BPIFA2: variants seen among roughly 807,000 people sequenced by gnomAD.
The protein encoded by BPIFA2 is BPI fold containing family A member 2, also known as BPI fold-containing family A member 2.
In BPIFA2, 20 loss-of-function variants were observed where a neutral mutation model predicts 25.7. That is an observed-to-expected ratio of 0.78 (90% confidence interval 0.55 to 1.13). BPIFA2 has a LOEUF of 1.13. Among genes scored for constraint, BPIFA2 ranks in the 50% most tolerant of loss-of-function variants. BPIFA2 has a pLI of 0.00. For synonymous variants in BPIFA2, 126 were observed against 124.3 expected (o/e 1.01, Z -0.09); for missense variants, 300 against 298.1 (o/e 1.01, Z -0.05).
intron 5 of BPIFA2, 148 bp downstream of exon 5, chr20:33,175,707 T>A (rs971705578): frequency 1.1e-5 from 9 of 811,706 alleles, no homozygotes; most frequent in Non-Finnish European, 1.7e-5. Flanking sequence ...ACATCAGCTC[T>A]GCCACTAACT....
At chr20:33,162,975 A>G (rs1983622709) in intron 1 of BPIFA2, among the ~76,000 whole-genome samples, 2 of 152,196 alleles carry the variant, frequency 1.3e-5, no homozygotes, top group Admixed American at 1.3e-4. Context: ...GGGGCCATCA[A>G]TGCACAGAAA....
At chr20:33,167,524 G>C (rs1983760749), upstream of BPIFA2, among the ~76,000 whole-genome samples, 1 of 152,130 alleles carries the variant, frequency 6.6e-6, no homozygotes, top group South Asian at 2.1e-4. Context: ...TTTCTCAACT[G>C]GAAAATGGAG....
intron 5 of BPIFA2, 51 bp from the exon 6 acceptor site, chr20:33,178,096 C>G: frequency 1.4e-6 from 2 of 1,442,906 alleles, no homozygotes; most frequent in Non-Finnish European, 1.9e-6. Flanking sequence ...TGGCAGTTCT[C>G]CCATCTCTTG....
Position 33,172,920 on chromosome 20 carries a change from T to A in BPIFA2, c.158-12T>A. 4 of 1,611,616 alleles carry A rather than the reference T, an allele frequency of 2.5e-6. No homozygotes were observed. The highest frequency in any genetic ancestry group is 3.4e-6 in the Non-Finnish European group (4 of 1,178,870). On this transcript the variant is annotated splice_polypyrimidine_tract_variant and intron_variant, in intron 2 of 8. Coordinates refer to ENST00000354932, the MANE Select transcript of BPIFA2 (RefSeq NM_080574.4). ...GTGGTGCGTGACACAAAATGGCGAT[T>A]GTTTTTGGCAGGCATCCTTGAGAAA...
Position 33,178,195 on chromosome 20 carries a change from G to T in BPIFA2, c.612G>T (p.Leu204=), listed in dbSNP as rs1984149938. The T allele has an allele frequency of 6.2e-7, 1 of 1,606,226 alleles. No homozygotes were observed. Among genetic ancestry groups the T allele is most frequent in the Non-Finnish European group, 8.5e-7 (1 of 1,174,342 alleles). ...NKFVNSVINT[L]KSTVSSLLQK... ...TCGTGAATAGCGTGATCAACACGCT[G>T]AAAAGCACTGTATCCTCCCTGCTGC... The change falls in exon 6 of 9, where the codon CTG becomes CTT. Residue 204 remains leucine (L), a synonymous_variant. Transcript: ENST00000354932.
At chr20:33,162,211 C>A (rs1600592615) in intron 1 of BPIFA2, among the ~76,000 whole-genome samples, 1 of 152,236 alleles carries the variant, frequency 6.6e-6, no homozygotes, top group Middle Eastern at 3.4e-3. Context: ...GAACTCCTGA[C>A]CTCAGGTGAT....
At chr20:33,166,457 C>T (rs1021190445), upstream of BPIFA2, among the ~76,000 whole-genome samples, 1 of 152,228 alleles carries the variant, frequency 6.6e-6, no homozygotes, top group African/African-American at 2.4e-5. Flanking sequence ...TGTTGCCGTG[C>T]ATCATGGGCC....
chr20:33,172,327 G>GC (rs1182872863), intron 2 of BPIFA2, among the ~76,000 whole-genome samples: 1 of 152,042 alleles, frequency 6.6e-6, no homozygotes, highest in Non-Finnish European at 1.5e-5. Context: ...GATAGGTGCG[G>GC]CAAACTACCA....
chr20:33,176,387 T>A (rs1270248834), intron 5 of BPIFA2, among the ~76,000 whole-genome samples: 30 of 152,256 alleles, frequency 2.0e-4, no homozygotes, highest in African/African-American at 6.5e-4. Flanking sequence ...CTGGGGCTAC[T>A]TGGCCTTGGC....
upstream of BPIFA2, among the ~76,000 whole-genome samples, chr20:33,164,418 T>C (rs1190874900): frequency 6.6e-6 from 1 of 152,124 alleles, no homozygotes; most frequent in Non-Finnish European, 1.5e-5. Flanking sequence ...AACCAGACCC[T>C]GTGCTGGGTA....
chr20:33,171,277 T>A (rs552546245), intron 2 of BPIFA2, among the ~76,000 whole-genome samples: 1 of 152,310 alleles, frequency 6.6e-6, no homozygotes, highest in African/African-American at 2.4e-5. Flanking sequence ...GTGAAGAAAG[T>A]CAATGGTAGT....
chr20:33,176,892 G>C (rs546355154), intron 5 of BPIFA2, among the ~76,000 whole-genome samples: 1 of 151,806 alleles, frequency 6.6e-6, no homozygotes, highest in Non-Finnish European at 1.5e-5. Flanking sequence ...TGGCTACCTA[G>C]AGCACCTTCT....
At chr20:33,173,237 A>G (rs1271886053) in intron 3 of BPIFA2, among the ~76,000 whole-genome samples, 161 bp downstream of exon 3, 3 of 152,202 alleles carry the variant, frequency 2.0e-5, no homozygotes, top group Non-Finnish European at 4.4e-5. Flanking sequence ...GCTTGAGTAA[A>G]TTAGAGGCAG....
At chr20:33,175,096 T>A (rs1448961121) in intron 4 of BPIFA2, among the ~76,000 whole-genome samples, 1 of 152,150 alleles carries the variant, frequency 6.6e-6, no homozygotes, top group African/African-American at 2.4e-5. Flanking sequence ...AATAAATGAA[T>A]CCAGGTAAAA....
At chr20:33,163,986 C>T (rs1390829123), upstream of BPIFA2, among the ~76,000 whole-genome samples, 1 of 152,098 alleles carries the variant, frequency 6.6e-6, no homozygotes. Flanking sequence ...GTCCCTGCCT[C>T]TGGTTGCTGG....
intron 8 of BPIFA2, 70 bp downstream of exon 8, chr20:33,180,667 C>T: frequency 7.6e-7 from 1 of 1,313,944 alleles, no homozygotes; most frequent in Admixed American, 1.8e-5. Flanking sequence ...CGTGGCTTCC[C>T]TTATTTTTGT....
chr20:33,169,440 A>AT (rs1983830921), intron 2 of BPIFA2, 138 bp downstream of exon 2: 2 of 759,634 alleles, frequency 2.6e-6, no homozygotes, highest in Non-Finnish European at 4.2e-6. Context: ...TTCCTGACTC[A>AT]TTCGTTTATC....
Position 33,173,016 on chromosome 20 carries a change from C to A in BPIFA2, c.242C>A (p.Ala81Asp). The A allele has an allele frequency of 1.2e-6, 2 of 1,614,078 alleles. No individual in the cohort carries two copies. Among genetic ancestry groups the A allele is most frequent in the Non-Finnish European group, 1.7e-6 (2 of 1,180,002 alleles). Residue 81 changes from alanine to aspartate, a missense_variant, in exon 3 of 9, where the codon GCT becomes GAT. Ala to Asp is a moderately radical substitution (Grantham distance 126). Transcript: ENST00000354932. The stretch of plus-strand genomic sequence containing the variant: ...CTGGCCAAGCAGAAGGCCCAGGAAG[C>A]TGAGAAATTGCTGAACAATGTCATT... ...WQLAKQKAQEAEKLLNNVISK... is the reference protein window; with the variant it reads ...WQLAKQKAQEDEKLLNNVISK...
intron 7 of BPIFA2, 105 bp from the exon 8 acceptor site, chr20:33,180,415 C>T (rs1469343477): frequency 3.1e-6 from 4 of 1,296,450 alleles, no homozygotes; most frequent in Non-Finnish European, 3.3e-6. Flanking sequence ...CCTGGGGTCC[C>T]ACAACTGTCA....
Sources: allele counts gnomAD v4.1 joint callset (sites outside exome capture counted in the v4.1 genomes callset), GRCh38; gene constraint gnomAD v4.1.1; transcripts MANE v1.5; gene names NCBI Gene and HGNC (gene_info 2026-07-23, HGNC 2026-07-21).